Variants in DAB1 observed in about 807,000 individuals in gnomAD.
DAB1 encodes the protein DAB adaptor protein 1.
In DAB1, 15 loss-of-function variants were observed where a neutral mutation model predicts 64.6. The ratio of observed to expected loss-of-function variants is 0.23; its 90% CI spans 0.16 to 0.36. The LOEUF is 0.36. Ranked by LOEUF, DAB1 falls within the 10% of genes least tolerant of loss-of-function variation. DAB1 has a pLI of 1.00. For missense variants in DAB1, 596 were observed against 706.7 expected, an observed-to-expected ratio of 0.84 and a Z score of 1.78; for synonymous variants, 235 against 251.9, an observed-to-expected ratio of 0.93 and a Z score of 0.64.
rs190566366 is a variant in DAB1 at position 57,374,970 on chromosome 1, G to T, written c.-137+48960C>A. Among the ~76,000 whole-genome samples the T allele has an allele frequency of 1.5e-3, 224 of 152,198 alleles. 1 individual carries two copies. The highest frequency in any genetic ancestry group is 2.8e-3 in the Non-Finnish European group (192 of 67,992). On this transcript the variant is annotated intron_variant, in intron 1 of 14. Transcript: ENST00000371236. Reference sequence around the variant, plus strand: ...GTAATGGCTGGTCCTGCTATGACCTGCCATTCTGTCCCAGGATACAGGCTT... The same window carrying T: ...GTAATGGCTGGTCCTGCTATGACCTTCCATTCTGTCCCAGGATACAGGCTT...
chr1:57,612,857 G>C (rs1400975884), intron 7 of DAB1, among the ~76,000 whole-genome samples: 4 of 152,036 alleles, frequency 2.6e-5, no homozygotes, highest in African/African-American at 7.2e-5. Flanking sequence ...ATAGTGCTTA[G>C]ATCATAGGAG....
At chr1:57,060,375 C>T (rs1285555650) in intron 9 of DAB1, among the ~76,000 whole-genome samples, 1 of 152,046 alleles carries the variant, frequency 6.6e-6, no homozygotes, top group Non-Finnish European at 1.5e-5. Context: ...TGGTCTCGAA[C>T]TCCTGACCTC....
chr1:57,858,890 G>A (rs1356569777), intron 1 of DAB1, among the ~76,000 whole-genome samples: 7 of 151,536 alleles, frequency 4.6e-5, no homozygotes, highest in Non-Finnish European at 8.8e-5. Flanking sequence ...AACTCTTAAG[G>A]GAAATCCCAC....
chr1:57,807,072 G>A (rs1460605990), intron 6 of DAB1, among the ~76,000 whole-genome samples: 1 of 152,136 alleles, frequency 6.6e-6, no homozygotes, highest in African/African-American at 2.4e-5. Flanking sequence ...GGCTCTCAGT[G>A]CTCCCCAGAC....
At chr1:58,381,596 T>G (rs1267821598) in intron 3 of DAB1, among the ~76,000 whole-genome samples, 1 of 152,128 alleles carries the variant, frequency 6.6e-6, no homozygotes, top group Non-Finnish European at 1.5e-5. Flanking sequence ...AATGGTGAAA[T>G]GTACTCAGAT....
At chr1:57,077,787 T>C (rs944788529) in intron 4 of DAB1, among the ~76,000 whole-genome samples, 1 of 151,814 alleles carries the variant, frequency 6.6e-6, no homozygotes, top group Non-Finnish European at 1.5e-5. Flanking sequence ...ATTAGTTTTT[T>C]TTAAAGAATA....
intron 9 of DAB1, among the ~76,000 whole-genome samples, chr1:57,039,091 A>G (rs1647374964): frequency 6.6e-6 from 1 of 152,252 alleles, no homozygotes; most frequent in Non-Finnish European, 1.5e-5. Flanking sequence ...CAGGAGAGGC[A>G]GAGTGAGGGA....
At chr1:58,450,585 T>G (rs1645123344) in intron 3 of DAB1, among the ~76,000 whole-genome samples, 1 of 152,010 alleles carries the variant, frequency 6.6e-6, no homozygotes, top group African/African-American at 2.4e-5. Context: ...AAACCCCATC[T>G]CTACTAAAAA....
intron 5 of DAB1, among the ~76,000 whole-genome samples, chr1:58,108,531 T>C (rs1307595444): frequency 6.6e-6 from 1 of 152,206 alleles, no homozygotes; most frequent in Non-Finnish European, 1.5e-5. Flanking sequence ...CAAAGTTATT[T>C]TCTTTATTTC....
chr1:58,545,810 A>G (rs2100508680), intron 1 of DAB1, among the ~76,000 whole-genome samples: 1 of 152,310 alleles, frequency 6.6e-6, no homozygotes, highest in South Asian at 2.1e-4. Context: ...CAAAAATAGG[A>G]CATGTACTTT....
rs560805330 is a variant in DAB1 at position 57,951,867 on chromosome 1, G to A, written n.388-67705C>T. ...ATTAAACCCAGTCCTCTTAGAATAC[G>A]GAGACCCATCTTAAGGATGATTCTT... On this transcript the variant is annotated intron_variant and non_coding_transcript_variant, in intron 5 of 20. Transcript: ENST00000485760. 1.4e-4 allele frequency among the ~76,000 whole-genome samples: 22 copies of A among 152,152 alleles called. No homozygotes were observed. In the South Asian group the frequency reaches 3.3e-3, roughly 23 times the overall value.
intron 6 of DAB1, among the ~76,000 whole-genome samples, chr1:57,718,240 C>T (rs1022903016): frequency 7.2e-5 from 11 of 152,092 alleles, no homozygotes; most frequent in African/African-American, 2.7e-4. Flanking sequence ...ACAATGTATA[C>T]CTGTATTAAA....
At chr1:57,391,777 ACACACACACACACACACACACACACAC>A (rs1682384749) in intron 1 of DAB1, among the ~76,000 whole-genome samples, 2 of 144,690 alleles carry the variant, frequency 1.4e-5, no homozygotes, top group Non-Finnish European at 3.0e-5. Context: ...ACACACACAC[ACACACACACACACACACACACACACAC>A]ACACACACAG....
downstream of DAB1, among the ~76,000 whole-genome samples, chr1:57,825,651 C>A (rs1652316370): frequency 6.6e-6 from 1 of 152,140 alleles, no homozygotes; most frequent in African/African-American, 2.4e-5. Flanking sequence ...CTCATTTATT[C>A]TACAAACAAT....
At chr1:57,941,627 G>C (rs1007734580) in intron 5 of DAB1, among the ~76,000 whole-genome samples, 2 of 152,182 alleles carry the variant, frequency 1.3e-5, no homozygotes, top group East Asian at 1.9e-4. Flanking sequence ...ACGAGGTCAG[G>C]AGATCGAGAC....
chr1:58,036,010 T>C (rs1292798282), intron 5 of DAB1, among the ~76,000 whole-genome samples: 1 of 152,026 alleles, frequency 6.6e-6, no homozygotes, highest in African/African-American at 2.4e-5. Context: ...ATTGGTTGTC[T>C]CCAAACCCCA....
At chr1:57,357,067 G>A (rs1321330603) in intron 1 of DAB1, among the ~76,000 whole-genome samples, 1 of 151,944 alleles carries the variant, frequency 6.6e-6, no homozygotes, top group African/African-American at 2.4e-5. Context: ...AACAGTGCCT[G>A]GCACACAGTA....
At chr1:58,015,390 A>G (rs1646724377) in intron 5 of DAB1, among the ~76,000 whole-genome samples, 4 of 151,974 alleles carry the variant, frequency 2.6e-5, no homozygotes, top group African/African-American at 9.7e-5. Context: ...CCCCCTAAAC[A>G]TGATACTTAA....
intron 3 of DAB1, among the ~76,000 whole-genome samples, chr1:58,396,110 G>A (rs1398105473): frequency 2.8e-5 from 4 of 143,830 alleles, no homozygotes; most frequent in Non-Finnish European, 4.6e-5. Flanking sequence ...ATTACCAGGC[G>A]AGAAGAGGGC....
Sources: allele counts gnomAD v4.1 joint callset (sites outside exome capture counted in the v4.1 genomes callset), GRCh38; gene constraint gnomAD v4.1.1; transcripts MANE v1.5; gene names NCBI Gene and HGNC (gene_info 2026-07-23, HGNC 2026-07-21).